SELPLG: variants seen among roughly 807,000 people sequenced by gnomAD.
SELPLG encodes the protein P-selectin glycoprotein ligand 1.
SELPLG carries 2 observed loss-of-function variants against 1.1 expected under a neutral mutation model. The observed-to-expected ratio is 1.82, with a 90% CI of 0.74 to 5.71. SELPLG has a LOEUF of 5.71. SELPLG is among the 30% of genes most tolerant of loss of function. The pLI, the probability that SELPLG is intolerant of heterozygous loss-of-function variation, is 0.05. For synonymous variants in SELPLG, 230 were observed against 221.2 expected, an observed-to-expected ratio of 1.04 and a Z score of -0.35; for missense variants, 478 against 524.7, an observed-to-expected ratio of 0.91 and a Z score of 0.87.
intron 1 of SELPLG, among the ~76,000 whole-genome samples, chr12:108,626,716 G>A (rs2031943158): frequency 6.6e-6 from 1 of 151,716 alleles, no homozygotes; most frequent in Admixed American, 6.6e-5. Flanking sequence ...GTCCAGGCTG[G>A]TCTCAAACTC....
intron 1 of SELPLG, among the ~76,000 whole-genome samples, chr12:108,632,389 G>GGTGT (rs34863745): frequency 0.01 from 1,482 of 144,706 alleles, 19 homozygotes; most frequent in South Asian, 0.017. Context: ...GACAATATGG[G>GGTGT]GTGTGTGTGT....
Position 108,624,124 on chromosome 12 carries a change from T to C in SELPLG, c.184A>G (p.Met62Val). Reference protein sequence around the residue: ...DFLPETEPPEMLRNSTDTTPL... With the variant: ...DFLPETEPPEVLRNSTDTTPL... Reference sequence around the variant, plus strand: ...GTGGTGTCAGTGCTGTTCCTCAGCATTTCTGGAGGCTCCGTTTCTGGCAGG... The same window carrying C: ...GTGGTGTCAGTGCTGTTCCTCAGCACTTCTGGAGGCTCCGTTTCTGGCAGG... The change falls in exon 2 of 2, where the codon ATG (methionine) becomes GTG (valine). Residue 62 changes from methionine (M) to valine (V), a missense_variant. By Grantham distance (21) the Met-to-Val change is conservative. Coordinates refer to ENST00000550948, the MANE Select transcript of SELPLG (RefSeq NM_003006.4). 8.7e-6 allele frequency: 14 copies of C among 1,614,146 alleles called. No individual in the cohort carries two copies. Among genetic ancestry groups the C allele is most frequent in the Non-Finnish European group, 9.3e-6 (11 of 1,180,020 alleles).
rs371325293 is a variant in SELPLG at position 108,623,561 on chromosome 12, C to A, written c.747G>T (p.Thr249=). ...TEAQTTQPTA[T]EAQTTPLAAM... is the part of the protein sequence containing the mutation. ...CTGCCAGTGGAGTGGTCTGTGCCTCCGTGGCTGTGGGTTGAGTGGTCTGTG... is the reference window on the plus strand; with the variant it reads ...CTGCCAGTGGAGTGGTCTGTGCCTCAGTGGCTGTGGGTTGAGTGGTCTGTG... Residue 249 remains threonine (T), a synonymous_variant, in exon 2 of 2, where the codon ACG becomes ACT. Transcript: ENST00000550948. The A allele has an allele frequency of 6.2e-7, 1 of 1,613,696 alleles. No individual in the cohort carries two copies. Among genetic ancestry groups the A allele is most frequent in the South Asian group, 1.1e-5 (1 of 91,060 alleles).
At chr12:108,632,100 G>T in intron 1 of SELPLG, 1 of 623,922 alleles carries the variant, frequency 1.6e-6, no homozygotes, top group South Asian at 2.0e-5. Context: ...TCCTCTGAAT[G>T]CCCCACTCTG....
At chr12:108,629,845 C>A (rs1349071588) in intron 1 of SELPLG, among the ~76,000 whole-genome samples, 2 of 152,130 alleles carry the variant, frequency 1.3e-5, no homozygotes, top group Non-Finnish European at 2.9e-5. Context: ...ATAATACCTC[C>A]TTAATATTTG....
At chr12:108,631,536 C>T (rs2032053265) in intron 1 of SELPLG, among the ~76,000 whole-genome samples, 1 of 152,112 alleles carries the variant, frequency 6.6e-6, no homozygotes. Flanking sequence ...AGGCATGAGC[C>T]ACGGTGACCA....
chr12:108,622,085 G>A lies in SELPLG; in HGVS notation c.*984C>T, dbSNP rs1385907281. Among the ~76,000 whole-genome samples, 2 of 152,158 alleles carry A rather than the reference G, an allele frequency of 1.3e-5. No homozygotes were observed. The highest frequency in any genetic ancestry group is 2.4e-5 in the African/African-American group (1 of 41,432). On this transcript the variant is annotated 3_prime_UTR_variant, in exon 2 of 2. Coordinates refer to ENST00000550948, the MANE Select transcript of SELPLG (RefSeq NM_003006.4). Reference sequence around the variant, plus strand: ...GAACTTTTCCTGGTCACCCAAGGATGTACAAGACCCCCTGTTGTCCAAGAG... The same window carrying A: ...GAACTTTTCCTGGTCACCCAAGGATATACAAGACCCCCTGTTGTCCAAGAG...
intron 1 of SELPLG, among the ~76,000 whole-genome samples, chr12:108,628,254 C>A (rs1467651523): frequency 6.6e-6 from 1 of 151,004 alleles, no homozygotes; most frequent in Non-Finnish European, 1.5e-5. Flanking sequence ...CAGAGTGAGA[C>A]CCTGTCTCAA....
chr12:108,631,794 A>G, intron 1 of SELPLG: 5 of 1,186,312 alleles, frequency 4.2e-6, no homozygotes, highest in Non-Finnish European at 6.0e-6. Context: ...GTCTTTAAAC[A>G]GTTTTCTAAA....
intron 1 of SELPLG, 114 bp from the exon 2 acceptor site, chr12:108,624,426 C>T (rs956476319): frequency 2.0e-6 from 2 of 999,466 alleles, no homozygotes; most frequent in East Asian, 5.1e-5. Flanking sequence ...TGGTCTGGAG[C>T]AGGGACTGGG....
chr12:108,622,594 C>T lies in SELPLG; in HGVS notation c.*475G>A, dbSNP rs2031842124. The T allele has an allele frequency of 6.4e-6, 1 of 156,786 alleles. No individual in the cohort carries two copies. Among genetic ancestry groups the T allele is most frequent in the Admixed American group, 6.3e-5 (1 of 15,810 alleles). The allele number at this position is 156,786 out of a possible 1,614,324, so 9.7% of individuals were successfully genotyped here. The stretch of plus-strand genomic sequence containing the variant: ...CTCAGAAGTCCGTCACTCTTCAGTA[C>T]TCCTCCCTTAGAATGTCCACTTCCT... On this transcript the variant is annotated 3_prime_UTR_variant, in exon 2 of 2. Transcript: ENST00000550948.
rs147978597 is a variant in SELPLG at position 108,623,395 on chromosome 12, C to T, written c.913G>A (p.Val305Ile). ...GIPMAASNLS[V>I]NYPVGAPDHI... ...TCTGGGGCCCCCACTGGGTAGTTGACGGACAAATTGCTGGCTGCCATGGGA... is the reference window on the plus strand; with the variant it reads ...TCTGGGGCCCCCACTGGGTAGTTGATGGACAAATTGCTGGCTGCCATGGGA... The change falls in exon 2 of 2, where the codon GTC (valine) becomes ATC (isoleucine). Residue 305 changes from valine to isoleucine, a missense_variant. Transcript: ENST00000550948. 4.0e-4 allele frequency: 646 copies of T among 1,614,248 alleles called. 9 individuals carry two copies. In the South Asian group the frequency reaches 6.1e-3, roughly 15 times the overall value.
intron 1 of SELPLG, among the ~76,000 whole-genome samples, chr12:108,631,044 C>A (rs1215471636): frequency 6.6e-6 from 1 of 152,158 alleles, no homozygotes; most frequent in Non-Finnish European, 1.5e-5. Flanking sequence ...GGTCTCCTGG[C>A]ATCCCCAGGG....
intron 1 of SELPLG, among the ~76,000 whole-genome samples, chr12:108,628,905 T>A (rs1000405654): frequency 1.3e-5 from 2 of 152,172 alleles, no homozygotes; most frequent in Non-Finnish European, 2.9e-5. Flanking sequence ...TCACCCTCTC[T>A]AAGCCTCAGT....
intron 1 of SELPLG, among the ~76,000 whole-genome samples, chr12:108,633,027 T>C (rs2032088808): frequency 6.6e-6 from 1 of 151,982 alleles, no homozygotes; most frequent in Non-Finnish European, 1.5e-5. Flanking sequence ...CTTTCTGGAG[T>C]CTTCCAGACC....
rs149534906 is a variant in SELPLG, at chr12:108,623,518, T to C, written c.790A>G (p.Thr264Ala). The stretch of plus-strand genomic sequence containing the variant: ...AGGGCCTCTGTGGCACTGGGTTCTG[T>C]GGACAGGGCCTCCATGGCTGCCAGT... ...TPLAAMEALS[T>A]EPSATEALSM... Residue 264 changes from threonine to alanine, a missense_variant, in exon 2 of 2, where the codon ACA becomes GCA. Physicochemically the swap from Thr to Ala is moderately conservative, Grantham distance 58. Coordinates refer to ENST00000550948, the MANE Select transcript of SELPLG (RefSeq NM_003006.4). The C allele has an allele frequency of 5.9e-5, 95 of 1,614,282 alleles. 1 individual carries two copies. The African/African-American group carries it at 1.2e-3, about 20-fold the overall frequency.
chr12:108,631,653 C>T (rs1362699196), intron 1 of SELPLG, among the ~76,000 whole-genome samples: 3 of 152,036 alleles, frequency 2.0e-5, no homozygotes, highest in African/African-American at 7.2e-5. Context: ...ACACCCCCCT[C>T]CCTACCCTCC....
intron 1 of SELPLG, among the ~76,000 whole-genome samples, chr12:108,626,313 T>A (rs2031936038): frequency 6.6e-6 from 1 of 152,080 alleles, no homozygotes; most frequent in Admixed American, 6.6e-5. Context: ...TTTTGTATTT[T>A]TAGTAGAGAC....
At position 108,622,885 on chromosome 12, in the gene SELPLG, G is replaced by T; in HGVS notation, c.*184C>A. On this transcript the variant is annotated 3_prime_UTR_variant, in exon 2 of 2. Transcript: ENST00000550948. ...AGGGAGGAAAGAGGTGGCTCCACTT[G>T]CCCGTCTGCTTGGCCCCAGGCTGCT... 1 of 546,872 alleles carries T rather than the reference G, an allele frequency of 1.8e-6. No individual in the cohort carries two copies. Among genetic ancestry groups the T allele is most frequent in the African/African-American group, 1.9e-5 (1 of 53,134 alleles). The allele number at this position is 546,872 out of a possible 1,614,324, so 33.9% of individuals were successfully genotyped here. A position where few individuals can be genotyped will look rare whatever the true frequency, so the allele number is the denominator to read the frequency against.
Sources: gnomAD v4.1 joint callset for allele counts (sites outside exome capture counted in the v4.1 genomes callset) on GRCh38, gnomAD v4.1.1 for gene constraint, MANE v1.5 for transcripts, NCBI Gene and HGNC (gene_info 2026-07-23, HGNC 2026-07-21) for gene names.